Variants in VPS13B observed in about 807,000 individuals in gnomAD.
VPS13B encodes vacuolar protein sorting 13 homolog B.
VPS13B carries 285 observed loss-of-function variants against 426.4 expected under a neutral mutation model. The ratio of observed to expected loss-of-function variants is 0.67; its 90% CI spans 0.61 to 0.74. The LOEUF (loss-of-function observed/expected upper bound fraction) is 0.74, where lower values mean the gene tolerates loss of function less well. Ranked by LOEUF, VPS13B falls within the 30% of genes least tolerant of loss-of-function variation. The pLI is 0.00. For missense variants in VPS13B, 4,537 were observed against 4,782.6 expected (o/e 0.95, Z 1.51); for synonymous variants, 1,676 against 1,676.4 (o/e 1.00, Z 0.01).
At chr8:99,701,379 G>A (rs1025126273) in intron 36 of VPS13B, among the ~76,000 whole-genome samples, 1 of 152,198 alleles carries the variant, frequency 6.6e-6, no homozygotes, top group South Asian at 2.1e-4. Context: ...GAATTTAAAC[G>A]TACTATACTC....
intron 35 of VPS13B, among the ~76,000 whole-genome samples, chr8:99,683,094 A>G (rs1831221596): frequency 6.6e-6 from 1 of 152,202 alleles, no homozygotes; most frequent in Admixed American, 6.6e-5. Flanking sequence ...GTATACAGAT[A>G]TTCAACACCA....
chr8:99,401,835 A>G (rs1472914048), intron 21 of VPS13B, among the ~76,000 whole-genome samples: 2 of 152,176 alleles, frequency 1.3e-5, no homozygotes, highest in Non-Finnish European at 2.9e-5. Context: ...CACTGCACCC[A>G]ACCTGGGCTA....
rs188096348 is a variant in VPS13B at position 99,311,132 on chromosome 8, G to A, written c.2824+35878G>A. On this transcript the variant is annotated intron_variant, in intron 19 of 61. Transcript: ENST00000357162. Reference sequence around the variant, plus strand: ...TTTCAAAAAACCAGGTCCTGGATTCGTTGATTTTTTGAAGGGTGTTTTGTG... The same window carrying A: ...TTTCAAAAAACCAGGTCCTGGATTCATTGATTTTTTGAAGGGTGTTTTGTG... Among the ~76,000 whole-genome samples the A allele has an allele frequency of 2.6e-3, 389 of 151,990 alleles. 1 individual carries two copies. Among genetic ancestry groups the A allele is most frequent in the African/African-American group, 8.2e-3 (342 of 41,470 alleles).
intron 31 of VPS13B, among the ~76,000 whole-genome samples, chr8:99,566,133 G>A (rs1317275493): frequency 6.6e-6 from 1 of 152,100 alleles, no homozygotes; most frequent in African/African-American, 2.4e-5. Flanking sequence ...TTGGCTGAGA[G>A]TGTCCTGTGG....
intron 20 of VPS13B, among the ~76,000 whole-genome samples, chr8:99,388,064 A>G (rs1375945381): frequency 1.3e-5 from 2 of 152,216 alleles, no homozygotes; most frequent in Non-Finnish European, 2.9e-5. Flanking sequence ...TAAAAATTAT[A>G]CAATAGACCT....
intron 33 of VPS13B, among the ~76,000 whole-genome samples, chr8:99,579,946 C>T (rs1825970713): frequency 6.6e-6 from 1 of 152,212 alleles, no homozygotes; most frequent in Non-Finnish European, 1.5e-5. Flanking sequence ...GATCTGGCCC[C>T]CTCAGCCTCC....
rs1297070291 is a variant in VPS13B, at chr8:99,828,418, T to G, written c.9331-3951T>G. On this transcript the variant is annotated intron_variant, in intron 51 of 61. Transcript: ENST00000357162. ...CGTTTTTTTTTTTTTTTTTTTTTTTTTTTTTTTTTTTTTTTTGCTTTCCAT... is the reference window on the plus strand; with the variant it reads ...CGTTTTTTTTTTTTTTTTTTTTTTTGTTTTTTTTTTTTTTTTGCTTTCCAT... Among the ~76,000 whole-genome samples, 235 of 121,136 alleles carry G rather than the reference T, an allele frequency of 1.9e-3. 13 individuals are homozygous for G. Among genetic ancestry groups the G allele is most frequent in the African/African-American group, 6.9e-3 (215 of 31,278 alleles). The allele number at this position is 121,136 out of a possible 152,430, so 79.5% of individuals were successfully genotyped here. A position where few individuals can be genotyped will look rare whatever the true frequency, so the allele number is the denominator to read the frequency against.
At chr8:99,453,834 C>T (rs1279262365) in intron 23 of VPS13B, among the ~76,000 whole-genome samples, 1 of 152,190 alleles carries the variant, frequency 6.6e-6, no homozygotes, top group Non-Finnish European at 1.5e-5. Flanking sequence ...CAATTCAGTA[C>T]ATTTGTTATA....
intron 3 of VPS13B, among the ~76,000 whole-genome samples, chr8:99,054,626 T>A (rs1449068427): frequency 6.6e-6 from 1 of 152,256 alleles, no homozygotes; most frequent in East Asian, 1.9e-4. Context: ...ATCTAAGAGT[T>A]CATTGCTTTA....
chr8:99,354,624 A>G (rs1812082624), intron 19 of VPS13B, among the ~76,000 whole-genome samples: 1 of 152,122 alleles, frequency 6.6e-6, no homozygotes, highest in Non-Finnish European at 1.5e-5. Flanking sequence ...CTGGTTATTT[A>G]TGGAGATGTC....
At chr8:99,431,086 A>G (rs1338806556) in intron 21 of VPS13B, among the ~76,000 whole-genome samples, 2 of 152,192 alleles carry the variant, frequency 1.3e-5, no homozygotes, top group Non-Finnish European at 2.9e-5. Flanking sequence ...TACATATGGG[A>G]AGGATAATTT....
chr8:99,824,362 T>C (rs920437320), intron 51 of VPS13B, among the ~76,000 whole-genome samples: 1 of 152,148 alleles, frequency 6.6e-6, no homozygotes, highest in Non-Finnish European at 1.5e-5. Flanking sequence ...GGGGGAGCCA[T>C]GCAGGCAAAA....
In VPS13B at chr8:99,760,063, G is replaced by A. The variant is rs888541395; in HGVS notation, c.7051-6711G>A. Among the ~76,000 whole-genome samples the A allele has an allele frequency of 3.3e-5, 5 of 151,466 alleles. No homozygotes were observed. The East Asian group carries it at 7.7e-4, about 23-fold the overall frequency. ...ATGATCTCGGCTCACTTCAACCTCC[G>A]CCTCCCAGGTTCAAGTGATTCTCCT... On this transcript the variant is annotated intron_variant, in intron 39 of 61. Transcript: ENST00000357162.
At chr8:99,377,458 C>CT (rs1453226167) in intron 19 of VPS13B, among the ~76,000 whole-genome samples, 49 of 152,276 alleles carry the variant, frequency 3.2e-4, no homozygotes, top group Admixed American at 2.0e-3. Context: ...ATCTAATGTG[C>CT]TTTTTAACAT....
intron 2 of VPS13B, among the ~76,000 whole-genome samples, chr8:99,037,667 A>T (rs563971933): frequency 6.6e-6 from 1 of 152,190 alleles, no homozygotes; most frequent in East Asian, 1.9e-4. Context: ...TCCTTTGTTG[A>T]TTTGTAAACA....
rs138012121 is a variant in VPS13B, at chr8:99,868,339, T to C, written c.11266T>C (p.Ser3756Pro). The C allele has an allele frequency of 1.1e-4, 185 of 1,614,036 alleles. No homozygotes were observed. The highest frequency in any genetic ancestry group is 1.5e-4 in the Non-Finnish European group (172 of 1,180,050). Reference protein sequence around the residue: ...DQPMQNFQKTSEAQASAGHKA... With the variant: ...DQPMQNFQKTPEAQASAGHKA... ...GCCGATGCAGAACTTCCAGAAAACA[T>C]CTGAGGCACAGGCTTCAGCAGGACA... The change falls in exon 59 of 62, where the codon TCT becomes CCT. Residue 3756 changes from serine (S) to proline (P), a missense_variant. Ser to Pro is a moderately conservative substitution (Grantham distance 74, BLOSUM62 -1). Transcript: ENST00000357162.
intron 21 of VPS13B, among the ~76,000 whole-genome samples, chr8:99,428,227 G>A (rs529042213): frequency 2.1e-4 from 32 of 152,292 alleles, no homozygotes; most frequent in African/African-American, 7.5e-4. Flanking sequence ...ATAGGCATGG[G>A]CAAGGTCTTT....
At position 99,431,657 on chromosome 8, in the gene VPS13B, C is replaced by T. The variant is rs61753722; in HGVS notation, c.3203C>T (p.Thr1068Ile). 9.3e-3 allele frequency: 15,044 copies of T among 1,611,946 alleles called. 150 individuals carry two copies. The highest frequency in any genetic ancestry group is 0.034 in the South Asian group (3,136 of 90,940). Residue 1068 changes from threonine (T) to isoleucine (I), a missense_variant, in exon 22 of 62, where the codon ACA becomes ATA. Physicochemically the swap from Thr to Ile is moderately conservative, Grantham distance 89. Coordinates refer to ENST00000357162, the MANE Select transcript of VPS13B (RefSeq NM_152564.5). Reference protein sequence around the residue: ...GIVWNAVKHLTLQLEVQSCCV... With the variant: ...GIVWNAVKHLILQLEVQSCCV... ...GTTTGGAATGCAGTGAAGCATCTCA[C>T]ACTACAGGTAAAATAAAAGTTAGAA...
intron 3 of VPS13B, among the ~76,000 whole-genome samples, chr8:99,060,274 T>TTA (rs1427753307): frequency 6.6e-6 from 1 of 152,074 alleles, no homozygotes; most frequent in East Asian, 1.9e-4. Context: ...AGTTAGCTAT[T>TTA]TGGGAGATAT....
Sources: gnomAD v4.1 joint callset for allele counts (sites outside exome capture counted in the v4.1 genomes callset) on GRCh38, gnomAD v4.1.1 for gene constraint, MANE v1.5 for transcripts, NCBI Gene and HGNC (gene_info 2026-07-23, HGNC 2026-07-21) for gene names.